The following ABCA8 variants were observed in gnomAD, a reference collection of about 807,000 sequenced individuals.
ABCA8 encodes ATP binding cassette subfamily A member 8.
Under a neutral mutation model 192.3 loss-of-function variants are expected in ABCA8, and 177 were observed. The observed-to-expected ratio is 0.92, with a 90% CI of 0.81 to 1.04. The LOEUF is 1.04. Ranked by LOEUF, ABCA8 falls within the 50% of genes least tolerant of loss-of-function variation. ABCA8 has a pLI of 0.00. For synonymous variants in ABCA8, 642 were observed against 690.2 expected (o/e 0.93, Z 1.09); for missense variants, 1,915 against 1,904.8 (o/e 1.01, Z -0.10).
intron 5 of ABCA8, 86 bp downstream of exon 5, chr17:68,936,865 A>G: frequency 8.4e-7 from 1 of 1,196,614 alleles, no homozygotes; most frequent in African/African-American, 1.6e-5. Flanking sequence ...TGATGCTCTA[A>G]TTTGGCATAC....
intron 13 of ABCA8, among the ~76,000 whole-genome samples, chr17:68,920,353 C>T (rs1356544079): frequency 3.3e-5 from 5 of 151,220 alleles, no homozygotes; most frequent in East Asian, 3.9e-4. Flanking sequence ...ACCCCCATGA[C>T]GTGTTTATCT....
At chr17:68,904,621 T>C (rs1017501523) in intron 19 of ABCA8, among the ~76,000 whole-genome samples, 82 of 152,288 alleles carry the variant, frequency 5.4e-4, no homozygotes, top group African/African-American at 1.8e-3. Flanking sequence ...ATATGTGGGC[T>C]GATATAACTG....
chr17:68,929,417 T>G (rs1298247558), intron 8 of ABCA8, 144 bp downstream of exon 8: 1 of 1,164,892 alleles, frequency 8.6e-7, no homozygotes, highest in Non-Finnish European at 1.2e-6. Context: ...ACAAAACACC[T>G]CAAATCAAAT....
chr17:68,903,359 C>T lies in ABCA8; in HGVS notation c.2539G>A (p.Ala847Thr), dbSNP rs767975152. The T allele has an allele frequency of 9.3e-6, 15 of 1,614,030 alleles. No individual in the cohort carries two copies. In the Admixed American group the frequency reaches 1.5e-4, roughly 16 times the overall value. ...TTTAACAAGCGAACCCTTGCAATTG[C>T]GCAGATTTGCTGTCGCCAGAGAGCC... ...GVALWRQQIC[A>T]IARVRLLKLK... The change falls in exon 20 of 40, where the codon GCA (alanine) becomes ACA (threonine). Residue 847 changes from alanine (A) to threonine (T), a missense_variant. Ala to Thr is a moderately conservative substitution (Grantham distance 58, BLOSUM62 0). Coordinates refer to ENST00000586539, the MANE Select transcript of ABCA8 (RefSeq NM_001288985.2).
At chr17:68,868,544 G>A (rs552631071) in intron 38 of ABCA8, among the ~76,000 whole-genome samples, 188 bp from the exon 39 acceptor site, 1 of 152,230 alleles carries the variant, frequency 6.6e-6, no homozygotes, top group African/African-American at 2.4e-5. Flanking sequence ...GAGAAAAAGC[G>A]CTTGAATTAT....
chr17:68,908,570 G>C (rs1219255831), intron 17 of ABCA8, among the ~76,000 whole-genome samples: 6 of 152,188 alleles, frequency 3.9e-5, no homozygotes. Flanking sequence ...ATTATAGATA[G>C]AAACTAATAA....
Position 68,927,771 on chromosome 17 carries a change from G to A in ABCA8, c.1273+145C>T, listed in dbSNP as rs1598272435. On this transcript the variant is annotated intron_variant, in intron 10 of 39. Coordinates refer to ENST00000586539, the MANE Select transcript of ABCA8 (RefSeq NM_001288985.2). ...TGAGAAAGAAATGAAGAAATAATTT[G>A]GCCAGTAGCGACGACTTTGTTCCTC... The A allele has an allele frequency of 2.1e-5, 12 of 558,616 alleles. No homozygotes were observed. The East Asian group carries it at 3.8e-4, about 18-fold the overall frequency. The allele number at this position is 558,616 out of a possible 1,614,324, so 34.6% of individuals were successfully genotyped here.
intron 24 of ABCA8, among the ~76,000 whole-genome samples, chr17:68,887,906 A>ATATATATATATATATATATC (rs370830810): frequency 3.3e-5 from 2 of 60,884 alleles, no homozygotes; most frequent in African/African-American, 1.9e-4. Flanking sequence ...ATATATATAT[A>ATATATATATATATATATATC]TCCATATATA....
At chr17:68,906,201 A>C (rs1490198204) in intron 18 of ABCA8, 38 bp from the exon 19 acceptor site, 2 of 1,425,270 alleles carry the variant, frequency 1.4e-6, no homozygotes, top group African/African-American at 2.9e-5. Context: ...TAAAACAAGA[A>C]TCACAAGTGA....
chr17:68,929,416 C>G, intron 8 of ABCA8, 145 bp downstream of exon 8: 1 of 1,161,254 alleles, frequency 8.6e-7, no homozygotes, highest in Admixed American at 2.4e-5. Context: ...TACAAAACAC[C>G]TCAAATCAAA....
chr17:68,894,644 C>T (rs117044134), intron 22 of ABCA8: 38 of 513,778 alleles, frequency 7.4e-5, no homozygotes, highest in African/African-American at 1.4e-4. Flanking sequence ...ATGAAATGTT[C>T]GAACTTATAT....
chr17:68,940,574 G>A (rs1045628112), intron 4 of ABCA8, among the ~76,000 whole-genome samples, 184 bp downstream of exon 4: 5 of 152,116 alleles, frequency 3.3e-5, no homozygotes, highest in African/African-American at 1.2e-4. Context: ...AGCAATACAT[G>A]TAGTTTTAAC....
chr17:68,895,219 GA>G (rs1240263536), intron 21 of ABCA8, among the ~76,000 whole-genome samples: 1 of 152,016 alleles, frequency 6.6e-6, no homozygotes. Context: ...TAATGTAAAA[GA>G]TTTTTTTAGT....
chr17:68,884,752 C>T lies in ABCA8; in HGVS notation c.3550-356G>A, dbSNP rs1034598394. ...GGCCCCTTCTCTTCCTTTCCCCTTC[C>T]CATAGATACCTCTTCACTCATGTAC... On this transcript the variant is annotated intron_variant, in intron 27 of 39. Transcript: ENST00000586539. 6.1e-6 allele frequency: 6 copies of T among 985,278 alleles called. No homozygotes were observed. The African/African-American group carries it at 1.0e-4, about 17-fold the overall frequency. 61.0% of individuals were successfully genotyped at this position (985,278 alleles called of 1,614,324 possible). A position where few individuals can be genotyped will look rare whatever the true frequency, so the allele number is the denominator to read the frequency against.
intron 23 of ABCA8, 34 bp downstream of exon 23, chr17:68,894,139 G>A (rs1368896695): frequency 6.2e-7 from 1 of 1,602,436 alleles, no homozygotes; most frequent in Admixed American, 1.7e-5. Flanking sequence ...CCTGATAGAG[G>A]AGAGTCAGGA....
At chr17:68,882,543 T>C in intron 30 of ABCA8, 56 bp downstream of exon 30, 1 of 1,475,066 alleles carries the variant, frequency 6.8e-7, no homozygotes, top group South Asian at 1.4e-5. Context: ...CTCAAAATCA[T>C]TAGAGAATTA....
Position 68,940,390 on chromosome 17 carries a change from C to T in ABCA8, c.301+368G>A, listed in dbSNP as rs534918635. 8.5e-5 allele frequency among the ~76,000 whole-genome samples: 13 copies of T among 152,196 alleles called. No homozygotes were observed. In the South Asian group the frequency reaches 1.5e-3, roughly 17 times the overall value. On this transcript the variant is annotated intron_variant, in intron 4 of 39. Transcript: ENST00000586539. ...TAAGAACAAGAAAACACTACAGCAA[C>T]GATTTCATTTTGGTGACAATGCTTT...
intron 17 of ABCA8, among the ~76,000 whole-genome samples, chr17:68,915,442 A>G (rs2067330047): frequency 6.6e-6 from 1 of 152,186 alleles, no homozygotes; most frequent in Non-Finnish European, 1.5e-5. Flanking sequence ...AAAATCTAAT[A>G]ATCCAATTCA....
intron 26 of ABCA8, 72 bp from the exon 27 acceptor site, chr17:68,885,387 T>G: frequency 7.1e-7 from 1 of 1,413,944 alleles, no homozygotes. Flanking sequence ...TGGCTCATCT[T>G]GAAGATATTA....
Sources: allele counts gnomAD v4.1 joint callset (sites outside exome capture counted in the v4.1 genomes callset), GRCh38; gene constraint gnomAD v4.1.1; transcripts MANE v1.5; gene names NCBI Gene and HGNC (gene_info 2026-07-23, HGNC 2026-07-21).